Variants in DTNB observed in about 807,000 individuals in gnomAD.
The protein encoded by DTNB is dystrobrevin beta, also known as DTN-B.
A neutral mutation model predicts 90.7 loss-of-function variants in DTNB; 63 were observed. The observed-to-expected ratio is 0.69, with a 90% CI of 0.57 to 0.86. DTNB has a LOEUF of 0.86. Ranked by LOEUF, DTNB falls within the 40% of genes least tolerant of loss-of-function variation. The pLI, the probability that DTNB is intolerant of heterozygous loss-of-function variation, is 0.00. For missense variants in DTNB, 744 were observed against 807.1 expected, an observed-to-expected ratio of 0.92 and a Z score of 0.95; for synonymous variants, 277 against 286.7, an observed-to-expected ratio of 0.97 and a Z score of 0.34.
chr2:25,427,673 AG>A (rs2052304319), intron 14 of DTNB, 42 bp from the exon 15 acceptor site: 1 of 1,594,306 alleles, frequency 6.3e-7, no homozygotes, highest in Non-Finnish European at 8.5e-7. Flanking sequence ...AGACCCTCAA[AG>A]ATGGATCTAA....
chr2:25,416,098 C>G (rs58232883), intron 16 of DTNB, among the ~76,000 whole-genome samples: 1,557 of 152,270 alleles, frequency 0.01, 37 homozygotes, highest in African/African-American at 0.035. Flanking sequence ...GTGGGCTCTG[C>G]CCTAACTCCA....
intron 10 of DTNB, among the ~76,000 whole-genome samples, chr2:25,482,312 G>C (rs1288600632): frequency 1.3e-5 from 2 of 152,170 alleles, no homozygotes; most frequent in Non-Finnish European, 2.9e-5. Flanking sequence ...CCAAAAGAGA[G>C]AGACTCAGGC....
intron 9 of DTNB, among the ~76,000 whole-genome samples, chr2:25,521,872 C>A (rs1288166428): frequency 6.6e-6 from 1 of 152,190 alleles, no homozygotes; most frequent in East Asian, 1.9e-4. Flanking sequence ...GTGTGTGCAG[C>A]GGAAGACACT....
chr2:25,635,706 AGTT>A (rs770278790), intron 3 of DTNB, among the ~76,000 whole-genome samples: 3 of 152,294 alleles, frequency 2.0e-5, no homozygotes, highest in African/African-American at 7.2e-5. Context: ...AACACAGGAG[AGTT>A]GTTTTGTTGG....
chr2:25,574,619 T>C lies in DTNB; in HGVS notation c.876+2219A>G, dbSNP rs182297890. On this transcript the variant is annotated intron_variant, in intron 8 of 20. Coordinates refer to ENST00000406818, the MANE Select transcript of DTNB (RefSeq NM_021907.5). ...ACGTTAGTATAAACACAGCCGACAA[T>C]CTCAAAGAAATTACTATTAAATTGA... 9.2e-5 allele frequency among the ~76,000 whole-genome samples: 14 copies of C among 152,266 alleles called. No individual in the cohort carries two copies. In the East Asian group the frequency reaches 2.7e-3, roughly 29 times the overall value.
intron 12 of DTNB, among the ~76,000 whole-genome samples, chr2:25,446,675 C>T (rs1434203398): frequency 6.6e-6 from 1 of 151,922 alleles, no homozygotes; most frequent in Non-Finnish European, 1.5e-5. Context: ...TCTGAGGATT[C>T]TATCTTTGTA....
chr2:25,641,339 T>TTCTAAAACCTCCCATATG (rs1489183514), intron 2 of DTNB, among the ~76,000 whole-genome samples: 2 of 152,200 alleles, frequency 1.3e-5, no homozygotes, highest in African/African-American at 2.4e-5. Context: ...TGTGCCAACA[T>TTCTAAAACCTCCCATATG]TCTACTAATC....
chr2:25,673,085 G>GGCCCCCGCTCGCGCCC (rs2086463891), intron 1 of DTNB: 2 of 151,814 alleles, frequency 1.3e-5, no homozygotes, highest in Admixed American at 1.3e-4. Flanking sequence ...GCCCGGCGCC[G>GGCCCCCGCTCGCGCCC]GGCCCCCGCT....
intron 10 of DTNB, among the ~76,000 whole-genome samples, chr2:25,465,375 CAA>C (rs34402498): frequency 4.3e-5 from 6 of 140,394 alleles, no homozygotes; most frequent in Non-Finnish European, 3.1e-5. Flanking sequence ...GACTCCGTCT[CAA>C]AAAAAAAAAA....
At chr2:25,396,044 TA>T (rs2042277054) in intron 16 of DTNB, among the ~76,000 whole-genome samples, 1 of 152,034 alleles carries the variant, frequency 6.6e-6, no homozygotes, top group Non-Finnish European at 1.5e-5. Context: ...AACGAGTGGA[TA>T]AAGAAAATGT....
At chr2:25,543,556 G>C (rs758801518) in intron 8 of DTNB, among the ~76,000 whole-genome samples, 14 of 152,024 alleles carry the variant, frequency 9.2e-5, no homozygotes, top group Admixed American at 6.6e-5. Flanking sequence ...TGCCCACTTC[G>C]GCCACCTAAA....
intron 1 of DTNB, among the ~76,000 whole-genome samples, chr2:25,654,428 A>T (rs2081653632): frequency 6.6e-6 from 1 of 152,220 alleles, no homozygotes; most frequent in Non-Finnish European, 1.5e-5. Context: ...AATGCACAGG[A>T]GAGTATTCAC....
At chr2:25,482,774 C>A in intron 10 of DTNB, 22 bp downstream of exon 10, 1 of 1,612,610 alleles carries the variant, frequency 6.2e-7, no homozygotes, top group South Asian at 1.1e-5. Context: ...ACACCCAAGT[C>A]GAAGGCACAA....
chr2:25,524,102 T>C (rs1478550018), intron 9 of DTNB, among the ~76,000 whole-genome samples: 1 of 152,016 alleles, frequency 6.6e-6, no homozygotes, highest in African/African-American at 2.4e-5. Flanking sequence ...GGTTTCTCCA[T>C]GTTGGCCAGG....
rs1218242531 is a variant in DTNB at position 25,612,243 on chromosome 2, G to A, written c.363-4922C>T. ...AGAATCATATGCAAGGCAGACTAAG[G>A]GGAAAAAAGCAAGGTATAGAACAAA... is the stretch of plus-strand genomic sequence containing the variant. On this transcript the variant is annotated intron_variant, in intron 4 of 20. Transcript: ENST00000406818. 2.6e-5 allele frequency among the ~76,000 whole-genome samples: 4 copies of A among 151,776 alleles called. No homozygotes were observed. The East Asian group carries it at 7.7e-4, about 29-fold the overall frequency.
At chr2:25,519,127 C>G (rs1442456824) in intron 9 of DTNB, among the ~76,000 whole-genome samples, 3 of 152,124 alleles carry the variant, frequency 2.0e-5, no homozygotes, top group Non-Finnish European at 2.9e-5. Flanking sequence ...CTATGGGAGG[C>G]TGAGGTGTGA....
At chr2:25,408,775 T>C (rs1012349482) in intron 16 of DTNB, among the ~76,000 whole-genome samples, 1 of 152,160 alleles carries the variant, frequency 6.6e-6, no homozygotes, top group Admixed American at 6.5e-5. Context: ...TTCTTTTCCA[T>C]GAAGGACGCT....
chr2:25,392,758 T>A (rs1347247146), intron 16 of DTNB, among the ~76,000 whole-genome samples: 1 of 151,990 alleles, frequency 6.6e-6, no homozygotes, highest in Non-Finnish European at 1.5e-5. Context: ...ATAAAAAAAA[T>A]TGCCAACAAA....
chr2:25,418,430 G>C (rs776248067), intron 16 of DTNB, among the ~76,000 whole-genome samples: 2 of 152,182 alleles, frequency 1.3e-5, no homozygotes, highest in Non-Finnish European at 2.9e-5. Flanking sequence ...GCTGGGCGTG[G>C]TGGCTCACGC....
Sources: gnomAD v4.1 joint callset for allele counts (sites outside exome capture counted in the v4.1 genomes callset) on GRCh38, gnomAD v4.1.1 for gene constraint, MANE v1.5 for transcripts, NCBI Gene and HGNC (gene_info 2026-07-23, HGNC 2026-07-21) for gene names.